The following EPAS1 variants were observed in gnomAD, a reference collection of about 807,000 sequenced individuals.
EPAS1 encodes endothelial PAS domain-containing protein 1.
EPAS1 carries 23 observed loss-of-function variants against 87.9 expected under a neutral mutation model. The ratio of observed to expected loss-of-function variants is 0.26; its 90% CI spans 0.19 to 0.37. The LOEUF is 0.37. Among genes scored for constraint, EPAS1 ranks in the 10% least tolerant of loss-of-function variants. The probability of loss-of-function intolerance (pLI) is 1.00; values close to 1 mark genes in which losing one functional copy is unlikely to be tolerated. For synonymous variants in EPAS1, 508 were observed against 444.3 expected (o/e 1.14, Z -1.80); for missense variants, 1,138 against 1,120.7 (o/e 1.02, Z -0.22).
chr2:46,318,172 A>G (rs1683379225), intron 1 of EPAS1, among the ~76,000 whole-genome samples: 1 of 98,930 alleles, frequency 1.0e-5, no homozygotes, highest in African/African-American at 5.2e-5. Context: ...GGGGAGGGGG[A>G]GAGAGAGATA....
At chr2:46,331,277 C>T (rs541882496) in intron 1 of EPAS1, among the ~76,000 whole-genome samples, 279 of 152,354 alleles carry the variant, frequency 1.8e-3, no homozygotes, top group African/African-American at 6.4e-3. Context: ...GGGTAGGGAT[C>T]TGTCTTCCCT....
intron 1 of EPAS1, among the ~76,000 whole-genome samples, chr2:46,342,050 C>A (rs1683923738): frequency 6.6e-6 from 1 of 152,152 alleles, no homozygotes; most frequent in African/African-American, 2.4e-5. Context: ...TGGTCCTCAG[C>A]CCTGGCTACA....
chr2:46,376,834 C>T (rs1684762512), intron 9 of EPAS1, 81 bp downstream of exon 9: 3 of 1,462,308 alleles, frequency 2.1e-6, no homozygotes, highest in Non-Finnish European at 2.8e-6. Context: ...GCCTCCCTGG[C>T]TGCAGCTTTT....
In EPAS1 at chr2:46,386,243, A is replaced by G. The variant is rs1685022329; in HGVS notation, c.*1583A>G. ...CATGGAACTTTTCTGTAATGGGTAC[A>G]ATGAAGAAGTTTCTAAAAACACACA... On this transcript the variant is annotated 3_prime_UTR_variant, in exon 16 of 16. Transcript: ENST00000263734. The G allele has an allele frequency of 6.6e-6, 1 of 152,630 alleles. No individual in the cohort carries two copies. Among genetic ancestry groups the G allele is most frequent in the Non-Finnish European group, 1.5e-5 (1 of 68,052 alleles). 9.5% of individuals were successfully genotyped at this position (152,630 alleles called of 1,614,324 possible).
chr2:46,366,307 A>G (rs887653492), intron 6 of EPAS1, among the ~76,000 whole-genome samples: 2 of 152,178 alleles, frequency 1.3e-5, no homozygotes, highest in Admixed American at 6.5e-5. Context: ...GCTTCTAAAC[A>G]GTTTTGAGAG....
intron 1 of EPAS1, among the ~76,000 whole-genome samples, chr2:46,340,910 G>A (rs1257936322): frequency 6.6e-6 from 1 of 151,974 alleles, no homozygotes; most frequent in Non-Finnish European, 1.5e-5. Context: ...TTTTAGAGAT[G>A]GGGTCTTGCT....
intron 7 of EPAS1, among the ~76,000 whole-genome samples, chr2:46,374,079 A>C (rs1022294762): frequency 6.6e-6 from 1 of 152,258 alleles, no homozygotes; most frequent in Non-Finnish European, 1.5e-5. Context: ...AACACTGCAA[A>C]GCACTATACA....
rs1685014706 is a variant in EPAS1, at chr2:46,385,974, G to T, written c.*1314G>T. 6.6e-6 allele frequency: 1 copy of T among 152,586 alleles called. No individual in the cohort carries two copies. The highest frequency in any genetic ancestry group is 1.5e-5 in the Non-Finnish European group (1 of 68,052). 9.5% of individuals were successfully genotyped at this position (152,586 alleles called of 1,614,324 possible). On this transcript the variant is annotated 3_prime_UTR_variant, in exon 16 of 16. Coordinates refer to ENST00000263734, the MANE Select transcript of EPAS1 (RefSeq NM_001430.5). The stretch of plus-strand genomic sequence containing the variant: ...ACGACCTTGGAGCCCCGTGGAGCTG[G>T]ACTGAGGAGGAGGCTGCACAGCGGG...
chr2:46,336,421 AG>A, intron 1 of EPAS1, among the ~76,000 whole-genome samples: 1 of 152,082 alleles, frequency 6.6e-6, no homozygotes, highest in Non-Finnish European at 1.5e-5. Flanking sequence ...AATGTTGCTA[AG>A]GGGCCAGGGA....
chr2:46,360,814 G>C lies in EPAS1; in HGVS notation c.573+58G>C. The C allele has an allele frequency of 3.7e-6, 6 of 1,611,938 alleles. No individual in the cohort carries two copies. The highest frequency in any genetic ancestry group is 1.7e-4 in the Middle Eastern group (1 of 6,060). On this transcript the variant is annotated intron_variant, in intron 5 of 15. Coordinates refer to ENST00000263734, the MANE Select transcript of EPAS1 (RefSeq NM_001430.5). This position sits in a 1 kb window ranked among gnomAD's most constrained non-coding sequence, Gnocchi z 4.5. ...AGGTGTAGGGTAACGGCGGTGCAGG[G>C]GATGCCTAAGGCCCTACCCCCACCC...
At chr2:46,336,615 T>C (rs1337597116) in intron 1 of EPAS1, among the ~76,000 whole-genome samples, 4 of 152,176 alleles carry the variant, frequency 2.6e-5, no homozygotes, top group Non-Finnish European at 4.4e-5. Flanking sequence ...AGAGAGAAGA[T>C]TGGACTTGTT....
chr2:46,336,489 AG>A (rs1683797374), intron 1 of EPAS1, among the ~76,000 whole-genome samples: 1 of 152,188 alleles, frequency 6.6e-6, no homozygotes, highest in African/African-American at 2.4e-5. Flanking sequence ...TTGAAGAAAT[AG>A]GAAGGAATAA....
At chr2:46,313,566 C>A (rs1477915894) in intron 1 of EPAS1, among the ~76,000 whole-genome samples, 1 of 152,086 alleles carries the variant, frequency 6.6e-6, no homozygotes, top group Non-Finnish European at 1.5e-5. Context: ...ATTCTCCCAC[C>A]TCGGCTTCCT....
chr2:46,320,883 A>G (rs1219789152), intron 1 of EPAS1, among the ~76,000 whole-genome samples: 1 of 152,202 alleles, frequency 6.6e-6, no homozygotes, highest in African/African-American at 2.4e-5. Context: ...GTGGTAAAAT[A>G]TACATAACAA....
chr2:46,381,258 C>T (rs1056114939), intron 12 of EPAS1: 19 of 394,486 alleles, frequency 4.8e-5, no homozygotes, highest in African/African-American at 3.9e-4. Context: ...GCCGCTGGTA[C>T]TTGCCCTTTA....
chr2:46,354,706 CT>C (rs943692810), intron 2 of EPAS1, among the ~76,000 whole-genome samples: 47 of 152,098 alleles, frequency 3.1e-4, no homozygotes, highest in Admixed American at 6.5e-5. Flanking sequence ...CCAAACCATT[CT>C]GTACGCCATT....
intron 2 of EPAS1, among the ~76,000 whole-genome samples, chr2:46,349,528 G>A (rs1027879705): frequency 8.5e-5 from 13 of 152,222 alleles, no homozygotes; most frequent in African/African-American, 3.1e-4. Context: ...CCCTCTGGCT[G>A]GGCTCGGCCC....
At chr2:46,303,866 G>GTGAA (rs1274249472) in intron 1 of EPAS1, among the ~76,000 whole-genome samples, 2 of 152,164 alleles carry the variant, frequency 1.3e-5, no homozygotes, top group Non-Finnish European at 2.9e-5. Context: ...TCTCCCTGTG[G>GTGAA]TGAAGAATGG....
intron 6 of EPAS1, among the ~76,000 whole-genome samples, chr2:46,366,132 C>T (rs1050545820): frequency 6.6e-6 from 1 of 152,226 alleles, no homozygotes; most frequent in African/African-American, 2.4e-5. Flanking sequence ...GGCGCTGCAC[C>T]GCACGTGGAC....
Sources: gnomAD v4.1 joint callset for allele counts (sites outside exome capture counted in the v4.1 genomes callset) on GRCh38, gnomAD v4.1.1 for gene constraint, Gnocchi (gnomAD v3.1) non-coding constraint, MANE v1.5 for transcripts, NCBI Gene and HGNC (gene_info 2026-07-23, HGNC 2026-07-21) for gene names.